The following RIC3 variants were observed in gnomAD, a reference collection of about 807,000 sequenced individuals.
The protein encoded by RIC3 is RIC3 acetylcholine receptor chaperone.
Under a neutral mutation model 27.3 loss-of-function variants are expected in RIC3, and 28 were observed. The ratio of observed to expected loss-of-function variants is 1.02; its 90% CI spans 0.76 to 1.41. The LOEUF (loss-of-function observed/expected upper bound fraction) is 1.41, where lower values mean the gene tolerates loss of function less well. RIC3 is among the 40% of genes most tolerant of loss of function. The pLI, the probability that RIC3 is intolerant of heterozygous loss-of-function variation, is 0.00. For missense variants in RIC3, 501 were observed against 444.7 expected, an observed-to-expected ratio of 1.13 and a Z score of -1.14; for synonymous variants, 184 against 160.4, an observed-to-expected ratio of 1.15 and a Z score of -1.11.
chr11:8,133,423 T>C (rs894407323), intron 4 of RIC3, among the ~76,000 whole-genome samples: 29 of 152,052 alleles, frequency 1.9e-4, no homozygotes, highest in East Asian at 1.9e-4. Context: ...ATAAAAGGTG[T>C]TGGATTAAGG....
At chr11:8,139,920 A>G (rs1371887726) in intron 2 of RIC3, 47 bp downstream of exon 2, 2 of 1,492,656 alleles carry the variant, frequency 1.3e-6, no homozygotes, top group Admixed American at 1.8e-5. Context: ...TTTTATTGCC[A>G]TATTAGATTT....
the RIC3 span, among the ~76,000 whole-genome samples, chr11:8,093,363 G>A: frequency 1.3e-5 from 2 of 152,104 alleles, no homozygotes; most frequent in African/African-American, 4.8e-5. Context: ...GTGCCCCAGA[G>A]GTGGGGAGTA....
At chr11:8,123,159 G>A (rs1946645032) in intron 5 of RIC3, among the ~76,000 whole-genome samples, 1 of 151,548 alleles carries the variant, frequency 6.6e-6, no homozygotes. Flanking sequence ...TGAAGACATA[G>A]CAAGAAAAAC....
At chr11:8,101,559 T>C, downstream of RIC3, 1 of 1,614,254 alleles carries the variant, frequency 6.2e-7, no homozygotes, top group South Asian at 1.1e-5. Flanking sequence ...ACCCGCTGTG[T>C]GCACTGCAGG....
At chr11:8,100,887 A>C in the RIC3 span, 6 of 1,614,200 alleles carry the variant, frequency 3.7e-6, no homozygotes, top group Non-Finnish European at 5.1e-6. Flanking sequence ...ATCGAGCTGC[A>C]AAACAAGACA....
At chr11:8,132,979 G>A (rs183733648) in intron 4 of RIC3, among the ~76,000 whole-genome samples, 3 of 152,152 alleles carry the variant, frequency 2.0e-5, no homozygotes, top group Non-Finnish European at 4.4e-5. Context: ...TTGAATATTT[G>A]TCTCCTCCTA....
the RIC3 span, chr11:8,097,221 C>G: frequency 6.2e-7 from 1 of 1,613,834 alleles, no homozygotes; most frequent in Non-Finnish European, 8.5e-7. Flanking sequence ...ATTCTGCATC[C>G]CCATAGGAGG....
At chr11:8,127,206 G>A (rs1418618697) in intron 4 of RIC3, among the ~76,000 whole-genome samples, 4 of 152,078 alleles carry the variant, frequency 2.6e-5, no homozygotes, top group African/African-American at 9.7e-5. Flanking sequence ...CTGAAGCAAG[G>A]TCATCAAAGG....
At chr11:8,101,637 T>C, downstream of RIC3, 4 of 1,613,700 alleles carry the variant, frequency 2.5e-6, no homozygotes, top group Non-Finnish European at 8.5e-7. Context: ...TTCGTGCCCT[T>C]TGGGGTTGCC....
At chr11:8,104,487 G>C (rs751337038), downstream of RIC3, 17 of 152,214 alleles carry the variant, frequency 1.1e-4, 1 homozygote, top group Admixed American at 6.5e-5. Context: ...GCAATCAACT[G>C]AGGTTTCTTA....
At chr11:8,114,979 G>A (rs1945687269) in intron 5 of RIC3, among the ~76,000 whole-genome samples, 1 of 152,104 alleles carries the variant, frequency 6.6e-6, no homozygotes, top group African/African-American at 2.4e-5. Flanking sequence ...GGATTTATGG[G>A]AACTGGAGTT....
chr11:8,122,485 C>A (rs1454861431), intron 5 of RIC3, among the ~76,000 whole-genome samples: 1 of 150,688 alleles, frequency 6.6e-6, no homozygotes, highest in Non-Finnish European at 1.5e-5. Flanking sequence ...GTTTATTCAC[C>A]TCCTAAAAGA....
the RIC3 span, chr11:8,094,009 G>T: frequency 6.2e-7 from 1 of 1,613,892 alleles, no homozygotes; most frequent in Non-Finnish European, 8.5e-7. Flanking sequence ...CCCACTGCCT[G>T]TTTCTCTCTC....
rs1018751695 is a variant in RIC3, at chr11:8,110,783, A to C, written c.1025T>G (p.Phe342Cys). ...ETTKEEWSQD[F>C]KDEGLGISTD... ...GCTGATGCCCAACCCTTCATCTTTA[A>C]AGTCTTGGGACCACTCTTCTTTGGT... Residue 342 changes from phenylalanine (F) to cysteine (C), a missense_variant, in exon 6 of 6, where the codon TTT becomes TGT. Phe to Cys is a radical substitution (Grantham distance 205). Coordinates refer to ENST00000309737, the MANE Select transcript of RIC3 (RefSeq NM_001206671.4). 2 of 1,614,052 alleles carry C rather than the reference A, an allele frequency of 1.2e-6. No individual in the cohort carries two copies. The highest frequency in any genetic ancestry group is 2.7e-5 in the African/African-American group (2 of 74,904).
At chr11:8,150,740 G>A (rs1950148371) in intron 1 of RIC3, among the ~76,000 whole-genome samples, 1 of 152,158 alleles carries the variant, frequency 6.6e-6, no homozygotes. Context: ...TGAGAAGCCT[G>A]GAAACACATA....
At chr11:8,097,082 C>T in the RIC3 span, 9 of 910,942 alleles carry the variant, frequency 9.9e-6, no homozygotes, top group Non-Finnish European at 3.3e-6. Context: ...TAGCTTCTGA[C>T]CCCAGGCCCA....
At chr11:8,154,506 T>A (rs936239508) in intron 1 of RIC3, among the ~76,000 whole-genome samples, 1 of 152,248 alleles carries the variant, frequency 6.6e-6, no homozygotes. Context: ...ATTGGACACA[T>A]GCTTCTCCAA....
At chr11:8,149,481 A>C (rs544443475) in intron 1 of RIC3, among the ~76,000 whole-genome samples, 1 of 152,248 alleles carries the variant, frequency 6.6e-6, no homozygotes, top group South Asian at 2.1e-4. Context: ...CTTGATGAGA[A>C]GGGTACTTGA....
At chr11:8,097,241 C>G in the RIC3 span, 13 of 1,613,972 alleles carry the variant, frequency 8.1e-6, no homozygotes, top group Admixed American at 8.3e-5. Context: ...GCAGCCTCAG[C>G]CCCTAGCCCA....
Sources: gnomAD v4.1 joint callset for allele counts (sites outside exome capture counted in the v4.1 genomes callset) on GRCh38, gnomAD v4.1.1 for gene constraint, MANE v1.5 for transcripts, NCBI Gene and HGNC (gene_info 2026-07-23, HGNC 2026-07-21) for gene names.